Variants in DPP8 observed in about 807,000 individuals in gnomAD.
DPP8 encodes dipeptidyl peptidase 8, also known as DPP VIII.
A neutral mutation model predicts 107.5 loss-of-function variants in DPP8; 31 were observed. That is an observed-to-expected ratio of 0.29 (90% CI 0.22 to 0.39). DPP8 has a LOEUF of 0.39. Among genes scored for constraint, DPP8 ranks in the 10% least tolerant of loss-of-function variants. DPP8 has a pLI of 1.00. For synonymous variants in DPP8, 381 were observed against 356.6 expected, an observed-to-expected ratio of 1.07 and a Z score of -0.77; for missense variants, 842 against 1,076.1, an observed-to-expected ratio of 0.78 and a Z score of 3.04.
In DPP8 at chr15:65,460,402, C is replaced by T. The variant is rs149631604; in HGVS notation, c.1971+3359G>A. Among the ~76,000 whole-genome samples the T allele has an allele frequency of 7.0e-3, 1,071 of 152,258 alleles. 8 individuals carry two copies. The highest frequency in any genetic ancestry group is 0.012 in the Non-Finnish European group (842 of 68,026). ...AGGAGGCAGTGAGCTGAGATCATGC[C>T]TCTGCATTATAGCCTGGAAGACAGA... On this transcript the variant is annotated intron_variant, in intron 15 of 19. Transcript: ENST00000300141.
chr15:65,490,828 G>T (rs1356739160), intron 5 of DPP8, among the ~76,000 whole-genome samples: 1 of 151,928 alleles, frequency 6.6e-6, no homozygotes, highest in Admixed American at 6.6e-5. Context: ...AGTTTGAAGG[G>T]GACTCGTTTT....
chr15:65,498,650 A>G (rs1423139589), intron 4 of DPP8, among the ~76,000 whole-genome samples: 2 of 152,158 alleles, frequency 1.3e-5, no homozygotes, highest in African/African-American at 2.4e-5. Flanking sequence ...TTAAACACTT[A>G]TTCACTCAAT....
chr15:65,488,415 T>C (rs970624268), intron 6 of DPP8, among the ~76,000 whole-genome samples: 3 of 151,558 alleles, frequency 2.0e-5, no homozygotes, highest in African/African-American at 7.3e-5. Flanking sequence ...AACCACACCC[T>C]GGGCAACACG....
intron 19 of DPP8, among the ~76,000 whole-genome samples, chr15:65,450,423 T>C (rs764485503): frequency 2.6e-5 from 4 of 152,214 alleles, no homozygotes; most frequent in Non-Finnish European, 4.4e-5. Flanking sequence ...AAATATCTCA[T>C]AGTTTAAACA....
At chr15:65,451,832 G>T in intron 18 of DPP8, 128 bp downstream of exon 18, 1 of 923,764 alleles carries the variant, frequency 1.1e-6, no homozygotes, top group Non-Finnish European at 1.5e-6. Context: ...GGCTGAGGTG[G>T]GAGGATCCTC....
intron 7 of DPP8, 30 bp from the exon 8 acceptor site, chr15:65,485,190 G>C: frequency 6.7e-7 from 1 of 1,500,558 alleles, no homozygotes; most frequent in Non-Finnish European, 9.3e-7. Context: ...TGATAGTAAT[G>C]TTTATCCAAA....
rs1432667467 is a variant in DPP8 at position 65,446,413 on chromosome 15, A to C, written c.*471T>G. ...ACATGCTGGATATGCCCAAGCAATG[A>C]AGCATAAGCTATTCAATTACATTTA... is the stretch of plus-strand genomic sequence containing the variant. On this transcript the variant is annotated 3_prime_UTR_variant, in exon 20 of 20. Transcript: ENST00000300141. The C allele has an allele frequency of 2.0e-5, 3 of 152,670 alleles. No homozygotes were observed. The highest frequency in any genetic ancestry group is 4.4e-5 in the Non-Finnish European group (3 of 68,050). The allele number at this position is 152,670 out of a possible 1,614,324, so 9.5% of individuals were successfully genotyped here.
intron 8 of DPP8, 114 bp downstream of exon 8, chr15:65,484,985 G>T: frequency 3.7e-6 from 3 of 803,852 alleles, no homozygotes; most frequent in East Asian, 2.6e-5. Context: ...ATGATCCACC[G>T]ATATCTCAGC....
intron 3 of DPP8, 96 bp from the exon 4 acceptor site, chr15:65,500,875 T>A: frequency 2.0e-5 from 7 of 352,456 alleles, no homozygotes; most frequent in East Asian, 7.5e-5. Context: ...TATTGACTCT[T>A]TTTTTTTTTT....
intron 7 of DPP8, among the ~76,000 whole-genome samples, chr15:65,485,632 G>C (rs2067346640): frequency 6.7e-6 from 1 of 149,582 alleles, no homozygotes; most frequent in African/African-American, 2.5e-5. Context: ...AATTTTGCCA[G>C]ATCAATTCTC....
intron 15 of DPP8, among the ~76,000 whole-genome samples, chr15:65,457,300 G>A (rs2064513690): frequency 6.6e-6 from 1 of 152,108 alleles, no homozygotes; most frequent in Non-Finnish European, 1.5e-5. Context: ...AGGTTGCAGT[G>A]AGCAAAGATC....
At position 65,507,148 on chromosome 15, in the gene DPP8, T is replaced by G. The variant is rs565180240; in HGVS notation, c.372+95A>C. 7.4e-4 allele frequency: 455 copies of G among 616,862 alleles called. 3 individuals are homozygous for G. The highest frequency in any genetic ancestry group is 1.9e-3 in the Middle Eastern group (6 of 3,230). 38.2% of individuals were successfully genotyped at this position (616,862 alleles called of 1,614,324 possible). A position where few individuals can be genotyped will look rare whatever the true frequency, so the allele number is the denominator to read the frequency against. On this transcript the variant is annotated intron_variant, in intron 3 of 19. Coordinates refer to ENST00000300141, the MANE Select transcript of DPP8 (RefSeq NM_130434.5). Reference sequence around the variant, plus strand: ...ATAAAAACATCTTAATTTTTTTTATTTACATCTACTTCAAATATAAAATCC... The same window carrying G: ...ATAAAAACATCTTAATTTTTTTTATGTACATCTACTTCAAATATAAAATCC...
chr15:65,490,168 T>C (rs562664143), intron 6 of DPP8, 21 bp downstream of exon 6: 2 of 1,159,678 alleles, frequency 1.7e-6, no homozygotes, highest in Non-Finnish European at 2.6e-6. Context: ...ACCCATAATA[T>C]ATTATTTTGA....
chr15:65,485,183 T>C (rs758138794), intron 7 of DPP8, 23 bp from the exon 8 acceptor site: 13 of 1,529,972 alleles, frequency 8.5e-6, no homozygotes, highest in African/African-American at 1.4e-5. Context: ...ACATAAATGA[T>C]AGTAATGTTT....
chr15:65,484,021 A>G (rs752785958), intron 8 of DPP8, among the ~76,000 whole-genome samples: 1 of 152,106 alleles, frequency 6.6e-6, no homozygotes, highest in Non-Finnish European at 1.5e-5. Context: ...ATTTATAGAG[A>G]TAGAAAGTAG....
At position 65,497,993 on chromosome 15, in the gene DPP8, G is replaced by A. The variant is rs2068777813; in HGVS notation, c.586C>T (p.Pro196Ser). The A allele has an allele frequency of 6.2e-7, 1 of 1,609,148 alleles. No homozygotes were observed. Among genetic ancestry groups the A allele is most frequent in the Non-Finnish European group, 8.5e-7 (1 of 1,177,024 alleles). ...AATTTTGGATCCATCCGTATGTTGGGACAACTAGTTTCCACTAGATTGGGC... is the reference window on the plus strand; with the variant it reads ...AATTTTGGATCCATCCGTATGTTGGAACAACTAGTTTCCACTAGATTGGGC... ...LRPNLVETSC[P>S]NIRMDPKLCP... Residue 196 changes from proline to serine, a missense_variant, in exon 5 of 20, where the codon CCC becomes TCC. Coordinates refer to ENST00000300141, the MANE Select transcript of DPP8 (RefSeq NM_130434.5).
chr15:65,488,042 A>G (rs953116526), intron 6 of DPP8, among the ~76,000 whole-genome samples: 1 of 152,206 alleles, frequency 6.6e-6, no homozygotes, highest in African/African-American at 2.4e-5. Flanking sequence ...ATATGTATAC[A>G]TATTTTTAAA....
chr15:65,478,290 T>C (rs990886116), intron 11 of DPP8, among the ~76,000 whole-genome samples: 3 of 152,218 alleles, frequency 2.0e-5, no homozygotes, highest in Admixed American at 6.5e-5. Context: ...GACAGAGTTT[T>C]GCTCTGTTGC....
At chr15:65,469,653 CAAAAAAAA>C (rs61311948) in intron 12 of DPP8, among the ~76,000 whole-genome samples, 21 of 66,508 alleles carry the variant, frequency 3.2e-4, no homozygotes, top group African/African-American at 1.1e-3. Context: ...AACTCCGTCT[CAAAAAAAA>C]AAAAAAAAAA....
Sources: gnomAD v4.1 joint callset for allele counts (sites outside exome capture counted in the v4.1 genomes callset) on GRCh38, gnomAD v4.1.1 for gene constraint, MANE v1.5 for transcripts, NCBI Gene and HGNC (gene_info 2026-07-23, HGNC 2026-07-21) for gene names.